SLC18A2: variants seen among roughly 807,000 people sequenced by gnomAD.
SLC18A2 encodes the protein synaptic vesicular amine transporter.
Under a neutral mutation model 59.2 loss-of-function variants are expected in SLC18A2, and 33 were observed. The observed-to-expected ratio is 0.56, with a 90% CI of 0.42 to 0.75. SLC18A2 has a LOEUF of 0.75. Among genes scored for constraint, SLC18A2 ranks in the 30% least tolerant of loss-of-function variants. The pLI, the probability that SLC18A2 is intolerant of heterozygous loss-of-function variation, is 0.00. For synonymous variants in SLC18A2, 228 were observed against 253.5 expected, an observed-to-expected ratio of 0.90 and a Z score of 0.95; for missense variants, 569 against 668.6, an observed-to-expected ratio of 0.85 and a Z score of 1.64.
rs1463866532 is a variant in SLC18A2 at position 117,277,238 on chromosome 10, GTGAAGA to G, written c.1524_1529del (p.Asp508_Glu509del). The G allele has an allele frequency of 3.1e-6, 5 of 1,609,578 alleles. No individual in the cohort carries two copies. The Admixed American group carries it at 6.7e-5, about 21-fold the overall frequency. ...AATAATATCCAGTCATATCCGATAG[GTGAAGA>G]TGAAGAATCTGAAAGTGACTGAGAT... On this transcript the variant is annotated inframe_deletion, in exon 16 of 16. Coordinates refer to ENST00000644641, the MANE Select transcript of SLC18A2 (RefSeq NM_003054.6).
rs766331575 is a variant in SLC18A2, at chr10:117,254,395, C to A, written c.608-10C>A. Reference sequence around the variant, plus strand: ...GAGCTGGCCTGTTGACTATTTCTTTCCCTGTGTAGGGATGGGCATGCTTGC... The same window carrying A: ...GAGCTGGCCTGTTGACTATTTCTTTACCTGTGTAGGGATGGGCATGCTTGC... On this transcript the variant is annotated splice_polypyrimidine_tract_variant and intron_variant, in intron 5 of 15. Coordinates refer to ENST00000644641, the MANE Select transcript of SLC18A2 (RefSeq NM_003054.6). 11 of 1,562,230 alleles carry A rather than the reference C, an allele frequency of 7.0e-6. No homozygotes were observed. Among genetic ancestry groups the A allele is most frequent in the Middle Eastern group, 1.7e-4 (1 of 5,826 alleles).
rs1844536276 is a variant in SLC18A2 at position 117,278,702 on chromosome 10, T to C, written c.*1436T>C. On this transcript the variant is annotated 3_prime_UTR_variant, in exon 16 of 16. Coordinates refer to ENST00000644641, the MANE Select transcript of SLC18A2 (RefSeq NM_003054.6). The stretch of plus-strand genomic sequence containing the variant: ...GAACTTTAGAACAGACTCCTCAATC[T>C]TGTGACTTTCTTATTCTCTAGGAAA... 1 of 152,224 alleles carries C rather than the reference T, an allele frequency of 6.6e-6. No homozygotes were observed. The highest frequency in any genetic ancestry group is 2.1e-4 in the South Asian group (1 of 4,832). The allele number at this position is 152,224 out of a possible 1,614,324, so 9.4% of individuals were successfully genotyped here.
At position 117,244,051 on chromosome 10, in the gene SLC18A2, A is replaced by T. The variant is rs1299972192; in HGVS notation, c.202A>T (p.Thr68Ser). The change falls in exon 3 of 16, where the codon ACT becomes TCT. Residue 68 changes from threonine (T) to serine (S), a missense_variant. Transcript: ENST00000644641. Reference sequence around the variant, plus strand: ...AATCCAGACGGCCAGGCCAGTGCACACTGCCTCCATCTCAGACAGCTTCCA... The same window carrying T: ...AATCCAGACGGCCAGGCCAGTGCACTCTGCCTCCATCTCAGACAGCTTCCA... ...TEIQTARPVH[T>S]ASISDSFQSI... is the part of the protein sequence containing the mutation. 12 of 1,614,160 alleles carry T rather than the reference A, an allele frequency of 7.4e-6. No individual in the cohort carries two copies. The highest frequency in any genetic ancestry group is 1.0e-5 in the Non-Finnish European group (12 of 1,180,016).
At chr10:117,241,536 A>C in intron 1 of SLC18A2, 143 bp from the exon 2 acceptor site, 1 of 850,640 alleles carries the variant, frequency 1.2e-6, no homozygotes, top group Non-Finnish European at 1.7e-6. Context: ...CGCTCGAGGC[A>C]GGTGAGCCGA....
chr10:117,252,746 A>G (rs1844178523), intron 3 of SLC18A2, among the ~76,000 whole-genome samples: 1 of 152,154 alleles, frequency 6.6e-6, no homozygotes, highest in Non-Finnish European at 1.5e-5. Flanking sequence ...GACTGAGAGG[A>G]GACCTCCCTA....
intron 10 of SLC18A2, among the ~76,000 whole-genome samples, chr10:117,266,241 ATATATT>A (rs1844347745): frequency 6.6e-6 from 1 of 152,150 alleles, no homozygotes; most frequent in African/African-American, 2.4e-5. Flanking sequence ...ACACACATAA[ATATATT>A]TATATATGTA....
chr10:117,266,350 C>T (rs998782812), intron 10 of SLC18A2, among the ~76,000 whole-genome samples: 17 of 152,192 alleles, frequency 1.1e-4, no homozygotes, highest in African/African-American at 3.1e-4. Context: ...GTTTATCTCA[C>T]GGTTCCCTAA....
chr10:117,266,704 G>A (rs1202751628), intron 10 of SLC18A2, 29 bp from the exon 11 acceptor site: 10 of 1,536,152 alleles, frequency 6.5e-6, no homozygotes, highest in Non-Finnish European at 9.0e-6. Context: ...TATCAGCACT[G>A]ATAAGGTCTC....
In SLC18A2 at chr10:117,277,947, C is replaced by T. The variant is rs555933371; in HGVS notation, c.*681C>T. The T allele has an allele frequency of 2.0e-5, 3 of 152,092 alleles. No individual in the cohort carries two copies. The South Asian group carries it at 6.2e-4, about 32-fold the overall frequency. 9.4% of individuals were successfully genotyped at this position (152,092 alleles called of 1,614,324 possible). A position where few individuals can be genotyped will look rare whatever the true frequency, so the allele number is the denominator to read the frequency against. ...ATCTGGTTGGCAGCAAACACTAAAG[C>T]CAATAAAGGAAAAACAGTAAATGTT... On this transcript the variant is annotated 3_prime_UTR_variant, in exon 16 of 16. Coordinates refer to ENST00000644641, the MANE Select transcript of SLC18A2 (RefSeq NM_003054.6).
At chr10:117,262,381 A>G (rs776883128) in intron 10 of SLC18A2, among the ~76,000 whole-genome samples, 11 of 152,230 alleles carry the variant, frequency 7.2e-5, no homozygotes, top group Non-Finnish European at 1.3e-4. Context: ...GTGGAAGCCC[A>G]AAGACCTTCA....
At chr10:117,267,520 C>T (rs909877288) in intron 12 of SLC18A2, 153 bp from the exon 13 acceptor site, 6 of 529,116 alleles carry the variant, frequency 1.1e-5, no homozygotes, top group Middle Eastern at 5.3e-4. Context: ...TTGGAGGGTC[C>T]GGTTCTTCAC....
chr10:117,273,864 A>T (rs1844453803), intron 15 of SLC18A2, among the ~76,000 whole-genome samples: 1 of 152,170 alleles, frequency 6.6e-6, no homozygotes, highest in Non-Finnish European at 1.5e-5. Context: ...TGTACCACTT[A>T]GGAGATCCTA....
At chr10:117,268,889 ATG>A (rs991054386) in intron 13 of SLC18A2, among the ~76,000 whole-genome samples, 4 of 151,590 alleles carry the variant, frequency 2.6e-5, no homozygotes, top group South Asian at 2.1e-4. Context: ...ATGAGTGTGT[ATG>A]TGTGTGTTGT....
intron 3 of SLC18A2, among the ~76,000 whole-genome samples, chr10:117,253,172 A>T (rs1202242485): frequency 2.6e-5 from 4 of 152,204 alleles, no homozygotes; most frequent in Admixed American, 2.6e-4. Context: ...GTTAACATTT[A>T]TTCCAAACAA....
chr10:117,276,613 CAAAAAAAAA>C (rs1161850365), intron 15 of SLC18A2, among the ~76,000 whole-genome samples: 1 of 46,740 alleles, frequency 2.1e-5, no homozygotes, highest in Non-Finnish European at 3.6e-5. Flanking sequence ...GACTTCATCT[CAAAAAAAAA>C]AAAAAAAAAA....
At chr10:117,253,674 C>T (rs1381684821) in intron 4 of SLC18A2, among the ~76,000 whole-genome samples, 4 of 152,038 alleles carry the variant, frequency 2.6e-5, no homozygotes, top group Admixed American at 1.3e-4. Flanking sequence ...GGCAAAACCC[C>T]GTCTCTACTA....
At position 117,243,974 on chromosome 10, in the gene SLC18A2, C is replaced by G; in HGVS notation, c.125C>G (p.Pro42Arg). ...LDNMLLTVVV[P>R]IIPSYLYSIK... ...GCCATTCTGCTCTTATCCCCAGTCC[C>G]CATCATCCCAAGTTATCTGTACAGC... Residue 42 changes from proline to arginine, a missense_variant, in exon 3 of 16, where the codon CCC becomes CGC. By Grantham distance (103) the Pro-to-Arg change is moderately radical (BLOSUM62 -2). Transcript: ENST00000644641. 6.2e-7 allele frequency: 1 copy of G among 1,611,486 alleles called. No individual in the cohort carries two copies. The highest frequency in any genetic ancestry group is 8.5e-7 in the Non-Finnish European group (1 of 1,178,212).
chr10:117,255,150 A>G, intron 6 of SLC18A2, 127 bp from the exon 7 acceptor site: 1 of 836,142 alleles, frequency 1.2e-6, no homozygotes, highest in South Asian at 1.7e-5. Context: ...ACAGAACAAT[A>G]GGGCAGCCAC....
intron 10 of SLC18A2, among the ~76,000 whole-genome samples, chr10:117,263,958 A>T (rs1334953957): frequency 1.3e-5 from 2 of 152,170 alleles, no homozygotes; most frequent in Non-Finnish European, 2.9e-5. Context: ...GACAGGGCAG[A>T]CCATTGCCCC....
Sources: allele counts gnomAD v4.1 joint callset (sites outside exome capture counted in the v4.1 genomes callset), GRCh38; gene constraint gnomAD v4.1.1; transcripts MANE v1.5; gene names NCBI Gene and HGNC (gene_info 2026-07-23, HGNC 2026-07-21).